FAM107B: variants seen among roughly 807,000 people sequenced by gnomAD.
FAM107B encodes the protein protein FAM107B.
A neutral mutation model predicts 31.5 loss-of-function variants in FAM107B; 21 were observed. The observed-to-expected ratio is 0.67, with a 90% CI of 0.47 to 0.96. The LOEUF (loss-of-function observed/expected upper bound fraction) is 0.96. Ranked by LOEUF, FAM107B falls within the 40% of genes least tolerant of loss-of-function variation. The probability of loss-of-function intolerance (pLI) is 0.00; values close to 1 mark genes in which losing one functional copy is unlikely to be tolerated. For missense variants in FAM107B, 452 were observed against 377.1 expected (o/e 1.20, Z -1.64); for synonymous variants, 157 against 141.5 (o/e 1.11, Z -0.78).
At chr10:14,588,908 G>T (rs1209090957) in intron 2 of FAM107B, among the ~76,000 whole-genome samples, 2 of 152,062 alleles carry the variant, frequency 1.3e-5, no homozygotes, top group South Asian at 4.1e-4. Flanking sequence ...GAGGCTGGGC[G>T]CAGTGACTCA....
chr10:14,625,889 C>T (rs1446313759), intron 2 of FAM107B, among the ~76,000 whole-genome samples: 2 of 40,224 alleles, frequency 5.0e-5, no homozygotes, highest in African/African-American at 9.8e-5. Flanking sequence ...AAGCTAATTT[C>T]AACAGGGCTG....
At chr10:14,698,246 G>C (rs1855314577) in intron 1 of FAM107B, among the ~76,000 whole-genome samples, 1 of 152,146 alleles carries the variant, frequency 6.6e-6, no homozygotes, top group African/African-American at 2.4e-5. Flanking sequence ...TTAAATCATT[G>C]TGGTTTTGCT....
intron 2 of FAM107B, among the ~76,000 whole-genome samples, chr10:14,567,025 C>T (rs547123409): frequency 6.6e-5 from 10 of 152,268 alleles, no homozygotes; most frequent in Admixed American, 2.0e-4. Context: ...TGGTGGCGGA[C>T]GCCTGTAGTC....
At chr10:14,761,790 G>A (rs763191956) in intron 1 of FAM107B, among the ~76,000 whole-genome samples, 2 of 152,050 alleles carry the variant, frequency 1.3e-5, no homozygotes, top group African/African-American at 4.8e-5. Context: ...TAGAGGGGGG[G>A]GTTTCACCAT....
chr10:14,682,528 C>G (rs1854862343), intron 1 of FAM107B, among the ~76,000 whole-genome samples: 1 of 151,966 alleles, frequency 6.6e-6, no homozygotes, highest in Non-Finnish European at 1.5e-5. Context: ...GACTCCATCT[C>G]AAAAATAAAT....
chr10:14,627,639 T>C (rs1170443829), intron 2 of FAM107B, among the ~76,000 whole-genome samples: 3 of 152,084 alleles, frequency 2.0e-5, no homozygotes, highest in African/African-American at 7.2e-5. Context: ...TAGCCGTGGT[T>C]GAGCACACCT....
intron 2 of FAM107B, among the ~76,000 whole-genome samples, chr10:14,620,597 A>T (rs1195209023): frequency 6.6e-6 from 1 of 152,146 alleles, no homozygotes; most frequent in African/African-American, 2.4e-5. Context: ...TTTCTTACAT[A>T]GGTATACACG....
intron 1 of FAM107B, among the ~76,000 whole-genome samples, chr10:14,683,667 G>C (rs1347158018): frequency 6.6e-6 from 1 of 152,154 alleles, no homozygotes; most frequent in Non-Finnish European, 1.5e-5. Context: ...ATGGAGATAG[G>C]GTTACAGATC....
At chr10:14,730,910 T>C (rs1300770072) in intron 1 of FAM107B, among the ~76,000 whole-genome samples, 1 of 151,712 alleles carries the variant, frequency 6.6e-6, no homozygotes, top group Non-Finnish European at 1.5e-5. Flanking sequence ...ATTTTAGAGA[T>C]GCAGGGGGCA....
chr10:14,605,783 A>C (rs935675292), intron 2 of FAM107B, among the ~76,000 whole-genome samples: 1 of 152,160 alleles, frequency 6.6e-6, no homozygotes, highest in Admixed American at 6.5e-5. Flanking sequence ...TGTTCTTAAC[A>C]ATGGCTCCAC....
At chr10:14,738,256 A>G (rs893307221) in intron 1 of FAM107B, among the ~76,000 whole-genome samples, 2 of 152,228 alleles carry the variant, frequency 1.3e-5, no homozygotes, top group Non-Finnish European at 2.9e-5. Context: ...CTTAAATGAG[A>G]TAAGATGAAG....
intron 2 of FAM107B, among the ~76,000 whole-genome samples, chr10:14,659,202 A>G (rs965533949): frequency 1.3e-5 from 2 of 152,020 alleles, no homozygotes; most frequent in African/African-American, 4.8e-5. Flanking sequence ...GCACTTTGGG[A>G]GGCTGAGGTG....
At chr10:14,589,965 G>A (rs1851962997) in intron 2 of FAM107B, among the ~76,000 whole-genome samples, 1 of 152,054 alleles carries the variant, frequency 6.6e-6, no homozygotes, top group Non-Finnish European at 1.5e-5. Context: ...CTAAATCACA[G>A]GGTTGTCATG....
rs1554832898 is a variant in FAM107B, at chr10:14,559,119, A to AAC, written c.470-28605_470-28604insGT. ...AACTTCAAAAAAAAAAAAAAAAAAC[A>AAC]AAAAAAAAACACCTGGTGTCTAGCT... is the stretch of plus-strand genomic sequence containing the variant. On this transcript the variant is annotated intron_variant, in intron 2 of 4. Transcript: ENST00000181796. 3.5e-3 allele frequency among the ~76,000 whole-genome samples: 125 copies of AAC among 35,632 alleles called. 1 individual carries two copies. Among genetic ancestry groups the AAC allele is most frequent in the African/African-American group, 0.011 (117 of 11,068 alleles). The allele number at this position is 35,632 out of a possible 152,430, so 23.4% of individuals were successfully genotyped here. A position where few individuals can be genotyped will look rare whatever the true frequency, so the allele number is the denominator to read the frequency against.
At chr10:14,640,300 C>T (rs1251995849) in intron 2 of FAM107B, among the ~76,000 whole-genome samples, 1 of 152,220 alleles carries the variant, frequency 6.6e-6, no homozygotes, top group Admixed American at 6.5e-5. Flanking sequence ...ACCACATGCT[C>T]TGCTGCCTCT....
At chr10:14,582,416 G>A (rs1314572457) in intron 2 of FAM107B, among the ~76,000 whole-genome samples, 1 of 106,866 alleles carries the variant, frequency 9.4e-6, no homozygotes, top group East Asian at 3.0e-4. Flanking sequence ...TCACTCTGTT[G>A]CCCAGGCTGG....
In FAM107B at chr10:14,521,139, C is replaced by G. The variant is rs1174766750; in HGVS notation, c.*51G>C. 1 of 1,437,090 alleles carries G rather than the reference C, an allele frequency of 7.0e-7. No homozygotes were observed. Among genetic ancestry groups the G allele is most frequent in the Non-Finnish European group, 9.7e-7 (1 of 1,030,606 alleles). 89.0% of individuals were successfully genotyped at this position (1,437,090 alleles called of 1,614,324 possible). On this transcript the variant is annotated 3_prime_UTR_variant, in exon 5 of 5. Transcript: ENST00000181796. ...CTTTTGCCCTGAGATTGAGAAGGCA[C>G]CCACAGACAGCTCTGTGGGGTGACA...
At chr10:14,750,505 G>A (rs909189296) in intron 1 of FAM107B, among the ~76,000 whole-genome samples, 1 of 152,084 alleles carries the variant, frequency 6.6e-6, no homozygotes, top group Non-Finnish European at 1.5e-5. Context: ...CCAGCTACTC[G>A]GGAGCCTGAG....
chr10:14,774,816 G>A lies in FAM107B; in HGVS notation c.-153C>T. 2.4e-6 allele frequency: 2 copies of A among 836,860 alleles called. No individual in the cohort carries two copies. Among genetic ancestry groups the A allele is most frequent in the Non-Finnish European group, 3.6e-6 (2 of 553,770 alleles). The allele number at this position is 836,860 out of a possible 1,614,324, so 51.8% of individuals were successfully genotyped here. On this transcript the variant is annotated 5_prime_UTR_variant, in exon 1 of 5. Coordinates refer to ENST00000181796, the MANE Select transcript of FAM107B (RefSeq NM_031453.4). The stretch of plus-strand genomic sequence containing the variant: ...CCTAAATAGAAGTTGGGATGGCAAG[G>A]CCACCTTCCCTGAGAGTCACTTAGC...
Sources: allele counts gnomAD v4.1 joint callset (sites outside exome capture counted in the v4.1 genomes callset), GRCh38; gene constraint gnomAD v4.1.1; transcripts MANE v1.5; gene names NCBI Gene and HGNC (gene_info 2026-07-23, HGNC 2026-07-21).